DLGAP2: variants seen among roughly 807,000 people sequenced by gnomAD.
DLGAP2 encodes the protein disks large-associated protein 2.
Under a neutral mutation model 100.3 loss-of-function variants are expected in DLGAP2, and 26 were observed. The observed-to-expected ratio is 0.26, with a 90% CI of 0.19 to 0.36. The LOEUF is 0.36. Among genes scored for constraint, DLGAP2 ranks in the 10% least tolerant of loss-of-function variants. The pLI is 1.00. For synonymous variants in DLGAP2, 886 were observed against 630.1 expected (o/e 1.41, Z -6.08); for missense variants, 1,858 against 1,453.2 (o/e 1.28, Z -4.53).
intron 14 of DLGAP2, among the ~76,000 whole-genome samples, chr8:1,699,083 A>C (rs1799496753): frequency 6.6e-6 from 1 of 152,226 alleles, no homozygotes; most frequent in South Asian, 2.1e-4. Flanking sequence ...CCTGAGGGAG[A>C]AGGCTGTTCA....
chr8:1,165,043 C>G (rs1362190764), intron 2 of DLGAP2, among the ~76,000 whole-genome samples: 1 of 151,916 alleles, frequency 6.6e-6, no homozygotes, highest in Non-Finnish European at 1.5e-5. Context: ...AGTCCGGGGT[C>G]CTGGCTAAAG....
intron 4 of DLGAP2, among the ~76,000 whole-genome samples, chr8:1,501,637 T>C (rs1383382926): frequency 6.6e-6 from 1 of 152,226 alleles, no homozygotes; most frequent in Non-Finnish European, 1.5e-5. Context: ...GAAGGGCTGC[T>C]CCTGGCCCTC....
Position 892,603 on chromosome 8 carries a change from T to C in DLGAP2, c.19-15309T>C, listed in dbSNP as rs112275746. Among the ~76,000 whole-genome samples the C allele has an allele frequency of 2.4e-4, 37 of 152,088 alleles. 1 individual carries two copies. The highest frequency in any genetic ancestry group is 8.7e-4 in the African/African-American group (36 of 41,470). ...AAAGCAAATGTGTGGTTAAAGAAAA[T>C]GGAGGGTTTAGCTGCGTGGCTTCCC... is the stretch of plus-strand genomic sequence containing the variant. On this transcript the variant is annotated intron_variant, in intron 1 of 14. Coordinates refer to ENST00000637795, the MANE Select transcript of DLGAP2 (RefSeq NM_001346810.2).
chr8:982,345 A>T (rs924952754), intron 2 of DLGAP2, among the ~76,000 whole-genome samples: 2 of 152,172 alleles, frequency 1.3e-5, no homozygotes, highest in Non-Finnish European at 2.9e-5. Flanking sequence ...TTTATTTTCA[A>T]CTAGACTCAA....
chr8:1,419,614 G>C (rs181284780), intron 3 of DLGAP2, among the ~76,000 whole-genome samples: 1 of 152,196 alleles, frequency 6.6e-6, no homozygotes, highest in Non-Finnish European at 1.5e-5. Flanking sequence ...CCAGTATCCA[G>C]CATCGCATCA....
rs1163251920 is a variant in DLGAP2 at position 1,246,917 on chromosome 8, C to T, written c.74-11934C>T. 3 of 121,010 alleles carry T rather than the reference C, an allele frequency of 2.5e-5. 1 individual carries two copies. Among genetic ancestry groups the T allele is most frequent in the African/African-American group, 4.1e-5 (1 of 24,232 alleles). The allele number at this position is 121,010 out of a possible 1,614,324, so 7.5% of individuals were successfully genotyped here. On this transcript the variant is annotated intron_variant, in intron 2 of 14. Coordinates refer to ENST00000637795, the MANE Select transcript of DLGAP2 (RefSeq NM_001346810.2). ...TGGTGTCCAGCAAGACCTTTGAGAT[C>T]AGTGTGGGAGTGATGGTCCATGTCG...
intron 2 of DLGAP2, among the ~76,000 whole-genome samples, chr8:1,174,986 G>T (rs148209674): frequency 1.8e-3 from 276 of 152,168 alleles, no homozygotes; most frequent in African/African-American, 6.1e-3. Context: ...CCCCAAGAAT[G>T]AAAATTAGAT....
chr8:865,664 T>G (rs1797480742), intron 1 of DLGAP2, among the ~76,000 whole-genome samples: 1 of 152,224 alleles, frequency 6.6e-6, no homozygotes, highest in South Asian at 2.1e-4. Flanking sequence ...AATCCGGTTT[T>G]AAGGTTGTGG....
rs78896084 is a variant in DLGAP2 at position 1,180,152 on chromosome 8, C to T, written c.74-78699C>T. Among the ~76,000 whole-genome samples the T allele has an allele frequency of 4.2e-3, 645 of 152,252 alleles. 1 individual carries two copies. Among genetic ancestry groups the T allele is most frequent in the African/African-American group, 0.015 (622 of 41,538 alleles). Reference sequence around the variant, plus strand: ...CAGTGACGTGAACTTCCTCCTTTTCCAAACTGAGGACGTAAATTACACTTT... The same window carrying T: ...CAGTGACGTGAACTTCCTCCTTTTCTAAACTGAGGACGTAAATTACACTTT... On this transcript the variant is annotated intron_variant, in intron 2 of 14. Transcript: ENST00000637795.
At chr8:1,189,900 C>G (rs1348804879) in intron 2 of DLGAP2, among the ~76,000 whole-genome samples, 1 of 152,154 alleles carries the variant, frequency 6.6e-6, no homozygotes, top group African/African-American at 2.4e-5. Context: ...GAGGGTAACT[C>G]ACGGCTTTGG....
chr8:1,285,623 G>C (rs963851308), intron 3 of DLGAP2, among the ~76,000 whole-genome samples: 2 of 152,012 alleles, frequency 1.3e-5, no homozygotes, highest in Non-Finnish European at 2.9e-5. Context: ...CTTTTTCAGA[G>C]GGGAAAAAAA....
chr8:972,734 A>G (rs548694851), intron 2 of DLGAP2, among the ~76,000 whole-genome samples: 15 of 152,250 alleles, frequency 9.9e-5, no homozygotes, highest in South Asian at 6.2e-4. Flanking sequence ...GTGAACAAAG[A>G]TCTCTGGTTT....
At chr8:753,175 G>A (rs989647407) in intron 1 of DLGAP2, among the ~76,000 whole-genome samples, 3 of 152,194 alleles carry the variant, frequency 2.0e-5, no homozygotes, top group Middle Eastern at 3.2e-3. Flanking sequence ...GCTTAGGGCC[G>A]GATGGGTGTT....
At chr8:885,254 A>G (rs927762646) in intron 1 of DLGAP2, among the ~76,000 whole-genome samples, 1 of 152,222 alleles carries the variant, frequency 6.6e-6, no homozygotes, top group African/African-American at 2.4e-5. Context: ...CTTCCTATCC[A>G]TGAGGATGGA....
intron 2 of DLGAP2, among the ~76,000 whole-genome samples, chr8:914,476 G>A (rs1480004914): frequency 1.3e-5 from 2 of 152,054 alleles, no homozygotes; most frequent in Non-Finnish European, 2.9e-5. Context: ...ATAGTGTTGG[G>A]ACCACAGGTC....
chr8:1,450,610 C>G (rs879699499), intron 3 of DLGAP2, among the ~76,000 whole-genome samples: 1 of 151,914 alleles, frequency 6.6e-6, no homozygotes, highest in African/African-American at 2.4e-5. Context: ...CTCCTGCCTA[C>G]CTTTTTTCCT....
chr8:947,278 C>T (rs1188471578), intron 2 of DLGAP2, among the ~76,000 whole-genome samples: 1 of 152,186 alleles, frequency 6.6e-6, no homozygotes, highest in African/African-American at 2.4e-5. Flanking sequence ...TCGTTCCTGT[C>T]AGGGGCTGGG....
At chr8:1,508,169 C>A (rs569072480) in intron 4 of DLGAP2, among the ~76,000 whole-genome samples, 1 of 151,822 alleles carries the variant, frequency 6.6e-6, no homozygotes, top group South Asian at 2.1e-4. Flanking sequence ...GATGCCAGGG[C>A]TTTTCATCTG....
At chr8:800,633 T>C (rs569839273) in intron 1 of DLGAP2, among the ~76,000 whole-genome samples, 178 of 152,276 alleles carry the variant, frequency 1.2e-3, no homozygotes, top group African/African-American at 3.9e-3. Context: ...TTTATATGTG[T>C]GTGCATGTCT....
Sources: allele counts gnomAD v4.1 joint callset (sites outside exome capture counted in the v4.1 genomes callset), GRCh38; gene constraint gnomAD v4.1.1; transcripts MANE v1.5; gene names NCBI Gene and HGNC (gene_info 2026-07-23, HGNC 2026-07-21).